CPE: variants seen among roughly 807,000 people sequenced by gnomAD.
The protein encoded by CPE is carbocypeptidase E.
CPE carries 17 observed loss-of-function variants against 53.5 expected under a neutral mutation model. The observed-to-expected ratio is 0.32, with a 90% CI of 0.22 to 0.48. CPE has a LOEUF of 0.48. Ranked by LOEUF, CPE falls within the 20% of genes least tolerant of loss-of-function variation. The pLI, the probability that CPE is intolerant of heterozygous loss-of-function variation, is 0.99. For synonymous variants in CPE, 226 were observed against 228.8 expected (o/e 0.99, Z 0.11); for missense variants, 524 against 614.7 (o/e 0.85, Z 1.56).
chr4:165,476,881 G>A (rs1001715824), intron 3 of CPE, among the ~76,000 whole-genome samples: 4 of 150,956 alleles, frequency 2.6e-5, no homozygotes, highest in Admixed American at 1.3e-4. Flanking sequence ...TGGGAGAGGG[G>A]GAGCCAGAAA....
chr4:165,424,735 C>T (rs913382144), intron 1 of CPE, among the ~76,000 whole-genome samples: 9 of 151,864 alleles, frequency 5.9e-5, no homozygotes, highest in Non-Finnish European at 1.2e-4. Context: ...GGGGTTTCAC[C>T]GTGTTAGCCA....
intron 4 of CPE, 45 bp from the exon 5 acceptor site, chr4:165,484,377 C>G: frequency 1.3e-6 from 2 of 1,557,958 alleles, no homozygotes; most frequent in Non-Finnish European, 1.8e-6. Context: ...TGCTGTGCTG[C>G]TTGGTCTGTG....
intron 1 of CPE, among the ~76,000 whole-genome samples, chr4:165,398,370 A>G (rs1049908426): frequency 1.3e-5 from 2 of 152,168 alleles, no homozygotes; most frequent in Non-Finnish European, 2.9e-5. Context: ...ATACACATAT[A>G]CACATATATG....
chr4:165,497,421 AG>A, intron 8 of CPE, 90 bp from the exon 9 acceptor site: 1 of 551,032 alleles, frequency 1.8e-6, no homozygotes, highest in Non-Finnish European at 3.0e-6. Flanking sequence ...GGCTGGATTG[AG>A]TGTATACTGA....
At chr4:165,395,718 A>C (rs1044833339) in intron 1 of CPE, among the ~76,000 whole-genome samples, 7 of 152,232 alleles carry the variant, frequency 4.6e-5, no homozygotes, top group African/African-American at 1.7e-4. Context: ...GATAATTCAC[A>C]TGTAGAGAAT....
chr4:165,438,367 T>C (rs1731548527), intron 1 of CPE, among the ~76,000 whole-genome samples: 1 of 152,110 alleles, frequency 6.6e-6, no homozygotes, highest in Non-Finnish European at 1.5e-5. Context: ...CATTTTGGTC[T>C]AGAGAAAGTG....
intron 6 of CPE, among the ~76,000 whole-genome samples, chr4:165,490,307 C>T (rs1732577246): frequency 6.6e-6 from 1 of 152,120 alleles, no homozygotes; most frequent in Non-Finnish European, 1.5e-5. Flanking sequence ...TTGAAAGAGT[C>T]TAGTTCTCAA....
At chr4:165,401,765 T>G (rs1730872542) in intron 1 of CPE, among the ~76,000 whole-genome samples, 1 of 152,224 alleles carries the variant, frequency 6.6e-6, no homozygotes, top group Non-Finnish European at 1.5e-5. Flanking sequence ...TATGAGGCCC[T>G]GGAAGCTGGA....
chr4:165,415,445 T>A (rs942833986), intron 1 of CPE, among the ~76,000 whole-genome samples: 1 of 152,226 alleles, frequency 6.6e-6, no homozygotes, highest in Admixed American at 6.5e-5. Flanking sequence ...CAATCTTTAA[T>A]ATTTTCTTAG....
At chr4:165,493,571 A>G (rs1579285983) in intron 7 of CPE, among the ~76,000 whole-genome samples, 1 of 152,174 alleles carries the variant, frequency 6.6e-6, no homozygotes, top group Non-Finnish European at 1.5e-5. Flanking sequence ...TTCTTCAGGC[A>G]AAGGAAAAGG....
chr4:165,427,396 C>G (rs1190676280), intron 1 of CPE, among the ~76,000 whole-genome samples: 1 of 151,618 alleles, frequency 6.6e-6, no homozygotes, highest in African/African-American at 2.4e-5. Context: ...TTTTTTTAAA[C>G]ATTTTGTCAT....
intron 3 of CPE, among the ~76,000 whole-genome samples, chr4:165,473,475 G>A (rs190128355): frequency 6.6e-6 from 1 of 152,374 alleles, no homozygotes; most frequent in African/African-American, 2.4e-5. Context: ...TACTGCAGAA[G>A]TTATCCCCCC....
chr4:165,480,994 G>GGAGATATATATATATATATATATATATA (rs1491432024), intron 3 of CPE, among the ~76,000 whole-genome samples: 2 of 114,282 alleles, frequency 1.8e-5, no homozygotes, highest in African/African-American at 6.8e-5. Flanking sequence ...TTTCTACAAT[G>GGAGATATATATATATATATATATATATA]GATATATATA....
At chr4:165,462,892 A>G (rs186234763) in intron 1 of CPE, among the ~76,000 whole-genome samples, 2 of 152,346 alleles carry the variant, frequency 1.3e-5, no homozygotes, top group African/African-American at 4.8e-5. Context: ...TCAGAAACTC[A>G]GGAATCTCAT....
chr4:165,418,893 G>C lies in CPE; in HGVS notation c.307+39365G>C, dbSNP rs563284534. Among the ~76,000 whole-genome samples, 3 of 152,112 alleles carry C rather than the reference G, an allele frequency of 2.0e-5. No individual in the cohort carries two copies. The East Asian group carries it at 5.8e-4, about 29-fold the overall frequency. On this transcript the variant is annotated intron_variant, in intron 1 of 8. Coordinates refer to ENST00000402744, the MANE Select transcript of CPE (RefSeq NM_001873.4). ...ATATAGCAGGGAAAACTAATCATTT[G>C]GAATAGTATGAGATAATTTGAAAAA...
At chr4:165,494,525 G>A (rs1732669224) in intron 7 of CPE, among the ~76,000 whole-genome samples, 1 of 152,164 alleles carries the variant, frequency 6.6e-6, no homozygotes, top group Admixed American at 6.5e-5. Flanking sequence ...GAAGAAGGGA[G>A]TGAAAAAGCG....
chr4:165,449,745 CT>C lies in CPE; in HGVS notation c.308-14635del, dbSNP rs1049950269. Reference sequence around the variant, plus strand: ...TAATTATCTTCCCAGAAGAGAAATTCTTTTTTTTTTCTGGGTTTGGGGCACA... The same window carrying C: ...TAATTATCTTCCCAGAAGAGAAATTCTTTTTTTTTCTGGGTTTGGGGCACA... On this transcript the variant is annotated intron_variant, in intron 1 of 8. Coordinates refer to ENST00000402744, the MANE Select transcript of CPE (RefSeq NM_001873.4). 1.6e-4 allele frequency among the ~76,000 whole-genome samples: 24 copies of C among 148,324 alleles called. No individual in the cohort carries two copies. The East Asian group carries it at 2.3e-3, about 15-fold the overall frequency.
At chr4:165,461,799 G>C (rs17502674) in intron 1 of CPE, among the ~76,000 whole-genome samples, 25,387 of 152,136 alleles carry the variant, frequency 0.17, 2,309 homozygotes, top group East Asian at 0.23. Flanking sequence ...CAATGTGGCT[G>C]TTCCGCATCT....
At chr4:165,405,526 C>T in intron 1 of CPE, 1 of 955,388 alleles carries the variant, frequency 1.0e-6, no homozygotes, top group Non-Finnish European at 1.7e-6. Flanking sequence ...TTTTGTAAAT[C>T]TGTTGCCTGA....
Sources: allele counts gnomAD v4.1 joint callset (sites outside exome capture counted in the v4.1 genomes callset), GRCh38; gene constraint gnomAD v4.1.1; transcripts MANE v1.5; gene names NCBI Gene and HGNC (gene_info 2026-07-23, HGNC 2026-07-21).